Variants in GRIA2 observed in about 807,000 individuals in gnomAD.
GRIA2 encodes the protein glutamate ionotropic receptor AMPA type subunit 2, also known as glutamate receptor 2.
Under a neutral mutation model 97.3 loss-of-function variants are expected in GRIA2, and 14 were observed. The observed-to-expected ratio is 0.14, with a 90% CI of 0.10 to 0.23. The LOEUF is 0.23. Among genes scored for constraint, GRIA2 ranks in the 10% least tolerant of loss-of-function variants. GRIA2 has a pLI of 1.00. For missense variants in GRIA2, 558 were observed against 1,069.8 expected (o/e 0.52, Z 6.67); for synonymous variants, 412 against 387.8 (o/e 1.06, Z -0.73).
intron 2 of GRIA2, among the ~76,000 whole-genome samples, chr4:157,246,721 T>G (rs1026937060): frequency 6.6e-5 from 10 of 152,176 alleles, no homozygotes; most frequent in Non-Finnish European, 1.5e-5. Flanking sequence ...TTATAGTTAA[T>G]GTGCTATCAT....
At chr4:157,294,645 A>G (rs1169326857) in intron 2 of GRIA2, among the ~76,000 whole-genome samples, 1 of 152,158 alleles carries the variant, frequency 6.6e-6, no homozygotes, top group Non-Finnish European at 1.5e-5. Flanking sequence ...TGAATAATAT[A>G]TATGCACTAC....
chr4:157,360,895 A>AT (rs546220549), intron 13 of GRIA2, 115 bp from the exon 14 acceptor site: 5 of 761,690 alleles, frequency 6.6e-6, no homozygotes, highest in Non-Finnish European at 8.9e-6. Flanking sequence ...TTCCCACTTC[A>AT]TTTTTTTGTG....
intron 2 of GRIA2, among the ~76,000 whole-genome samples, chr4:157,250,804 C>T (rs576821057): frequency 6.6e-6 from 1 of 152,214 alleles, no homozygotes; most frequent in South Asian, 2.1e-4. Flanking sequence ...ACAATCTTCT[C>T]AACTTATTCC....
chr4:157,248,725 A>G (rs1011225838), intron 2 of GRIA2, among the ~76,000 whole-genome samples: 4 of 142,602 alleles, frequency 2.8e-5, no homozygotes, highest in Non-Finnish European at 6.1e-5. Context: ...ACATATGTGT[A>G]TATACACGTA....
At chr4:157,287,438 G>A (rs894848607) in intron 2 of GRIA2, among the ~76,000 whole-genome samples, 4 of 151,558 alleles carry the variant, frequency 2.6e-5, no homozygotes, top group South Asian at 2.1e-4. Flanking sequence ...TTCTAAAAAA[G>A]TTTTGAGCTT....
At chr4:157,296,774 T>A (rs569443830) in intron 2 of GRIA2, among the ~76,000 whole-genome samples, 345 of 152,242 alleles carry the variant, frequency 2.3e-3, no homozygotes, top group Non-Finnish European at 4.1e-3. Context: ...GAACCCTTCC[T>A]GGAAGAATTG....
intron 2 of GRIA2, chr4:157,249,892 A>G (rs927916781): frequency 6.6e-6 from 1 of 152,186 alleles, no homozygotes; most frequent in Non-Finnish European, 1.5e-5. Flanking sequence ...TATAAGTAAT[A>G]TTTATGGTTT....
chr4:157,365,416 T>C lies in GRIA2; in HGVS notation c.*1985T>C, dbSNP rs1293860232. ...TTTAAAAGTGAAAAAGAAATGACTA[T>C]ATACAATCAATGCTATTTATTGTAC... is the stretch of plus-strand genomic sequence containing the variant. On this transcript the variant is annotated 3_prime_UTR_variant, in exon 16 of 16. Coordinates refer to ENST00000264426, the MANE Select transcript of GRIA2 (RefSeq NM_001083619.3). 2.6e-5 allele frequency: 4 copies of C among 152,032 alleles called. No homozygotes were observed. Among genetic ancestry groups the C allele is most frequent in the Non-Finnish European group, 5.9e-5 (4 of 67,646 alleles). The allele number at this position is 152,032 out of a possible 1,614,324, so 9.4% of individuals were successfully genotyped here.
intron 6 of GRIA2, among the ~76,000 whole-genome samples, chr4:157,327,287 AG>A (rs1315794639): frequency 4.6e-5 from 7 of 152,268 alleles, no homozygotes; most frequent in Admixed American, 1.3e-4. Context: ...GAATAAGTAA[AG>A]GAAAAAATAT....
At chr4:157,292,856 G>T (rs976688511) in intron 2 of GRIA2, among the ~76,000 whole-genome samples, 1 of 152,014 alleles carries the variant, frequency 6.6e-6, no homozygotes, top group Non-Finnish European at 1.5e-5. Flanking sequence ...TACTTAACTT[G>T]CTTCCAAGTT....
chr4:157,244,640 C>G (rs1730649640), intron 2 of GRIA2, among the ~76,000 whole-genome samples: 1 of 151,856 alleles, frequency 6.6e-6, no homozygotes, highest in Admixed American at 6.6e-5. Flanking sequence ...TGTGGATTGT[C>G]CTATATAAAA....
intron 11 of GRIA2, 119 bp from the exon 12 acceptor site, chr4:157,341,145 A>T: frequency 1.4e-6 from 1 of 710,284 alleles, no homozygotes; most frequent in Non-Finnish European, 2.4e-6. Context: ...TAGTAGATAC[A>T]TTGAAAAATA....
intron 2 of GRIA2, among the ~76,000 whole-genome samples, chr4:157,248,709 A>ATATATACATACGTGTG (rs1730878420): frequency 7.0e-6 from 1 of 142,720 alleles, no homozygotes; most frequent in African/African-American, 2.6e-5. Flanking sequence ...ACAAGTATAT[A>ATATATACATACGTGTG]TATACACATA....
chr4:157,350,360 G>A (rs1441414067), intron 12 of GRIA2, among the ~76,000 whole-genome samples: 1 of 151,996 alleles, frequency 6.6e-6, no homozygotes, highest in East Asian at 1.9e-4. Flanking sequence ...TTACAGTGCG[G>A]TATCTAGATC....
At chr4:157,236,717 G>T (rs1271737871) in intron 2 of GRIA2, among the ~76,000 whole-genome samples, 3 of 152,040 alleles carry the variant, frequency 2.0e-5, no homozygotes, top group Non-Finnish European at 2.9e-5. Context: ...TTAAAGCTTT[G>T]CTCTTGGTAT....
At chr4:157,294,014 G>A (rs901454560) in intron 2 of GRIA2, among the ~76,000 whole-genome samples, 18 of 152,078 alleles carry the variant, frequency 1.2e-4, no homozygotes, top group African/African-American at 3.1e-4. Context: ...GAAAATAAAT[G>A]TATGTGGGTT....
chr4:157,337,730 A>G (rs1028677759), intron 11 of GRIA2, among the ~76,000 whole-genome samples: 1 of 151,844 alleles, frequency 6.6e-6, no homozygotes, highest in African/African-American at 2.4e-5. Context: ...ACTGTATGAG[A>G]AGCTCAAAGA....
At chr4:157,222,499 G>C (rs557320324) in intron 2 of GRIA2, among the ~76,000 whole-genome samples, 203 of 152,300 alleles carry the variant, frequency 1.3e-3, no homozygotes, top group Non-Finnish European at 2.1e-3. Flanking sequence ...GCGGTGGAAA[G>C]GGGGAGCGCT....
chr4:157,282,403 A>G (rs1732647020), intron 2 of GRIA2, among the ~76,000 whole-genome samples: 1 of 151,164 alleles, frequency 6.6e-6, no homozygotes, highest in South Asian at 2.1e-4. Context: ...AGATTCTAGA[A>G]AAGGAGAGTC....
Sources: gnomAD v4.1 joint callset for allele counts (sites outside exome capture counted in the v4.1 genomes callset) on GRCh38, gnomAD v4.1.1 for gene constraint, MANE v1.5 for transcripts, NCBI Gene and HGNC (gene_info 2026-07-23, HGNC 2026-07-21) for gene names.